Variants in RBFOX1 observed in about 807,000 individuals in gnomAD.
The protein encoded by RBFOX1 is RNA binding fox-1 homolog 1, also known as RNA binding protein fox-1 homolog 1.
In RBFOX1, 8 loss-of-function variants were observed where a neutral mutation model predicts 57.7. The ratio of observed to expected loss-of-function variants is 0.14; its 90% CI spans 0.08 to 0.25. The LOEUF (loss-of-function observed/expected upper bound fraction) is 0.25. Among genes scored for constraint, RBFOX1 ranks in the 10% least tolerant of loss-of-function variants. The pLI is 1.00. For missense variants in RBFOX1, 611 were observed against 548.5 expected (o/e 1.11, Z -1.14); for synonymous variants, 326 against 222.4 (o/e 1.47, Z -4.15).
Position 6,479,714 on chromosome 16 carries a change from G to C in RBFOX1, c.-64+162657G>C, listed in dbSNP as rs542637709. ...CACCTCCCACCTGGTTTCTCCCCTT[G>C]ACACATGGGAATTATGGCCTCTTAC... On this transcript the variant is annotated intron_variant, in intron 2 of 15. Coordinates refer to ENST00000550418, the MANE Select transcript of RBFOX1 (RefSeq NM_018723.4). Among the ~76,000 whole-genome samples the C allele has an allele frequency of 2.0e-5, 3 of 152,146 alleles. No homozygotes were observed. In the East Asian group the frequency reaches 5.8e-4, roughly 29 times the overall value.
intron 3 of RBFOX1, among the ~76,000 whole-genome samples, chr16:6,941,626 C>G (rs1418622084): frequency 6.6e-6 from 1 of 151,714 alleles, no homozygotes; most frequent in African/African-American, 2.4e-5. Flanking sequence ...GCCCTTCATA[C>G]CTGTTGAATA....
At chr16:6,813,568 C>A (rs1370769651) in intron 3 of RBFOX1, among the ~76,000 whole-genome samples, 1 of 152,140 alleles carries the variant, frequency 6.6e-6, no homozygotes, top group Non-Finnish European at 1.5e-5. Flanking sequence ...CACTAAGTGT[C>A]TCTTTCATCT....
chr16:7,623,620 G>C (rs556275464), intron 10 of RBFOX1, among the ~76,000 whole-genome samples: 2 of 152,284 alleles, frequency 1.3e-5, no homozygotes, highest in East Asian at 1.9e-4. Context: ...ATGAAGCTTT[G>C]CTCGCTCACC....
chr16:7,340,362 C>A (rs1360064689), intron 4 of RBFOX1, among the ~76,000 whole-genome samples: 1 of 152,220 alleles, frequency 6.6e-6, no homozygotes, highest in Admixed American at 6.5e-5. Context: ...TGCCATTGAT[C>A]ATATTTACTA....
chr16:7,280,276 C>T (rs1603481625), intron 4 of RBFOX1, among the ~76,000 whole-genome samples: 1 of 152,182 alleles, frequency 6.6e-6, no homozygotes, highest in African/African-American at 2.4e-5. Flanking sequence ...GTCACTTCCC[C>T]AGCTTCACTT....
chr16:5,953,950 C>T (rs139471150), intron 4 of RBFOX1, among the ~76,000 whole-genome samples: 57 of 152,192 alleles, frequency 3.7e-4, no homozygotes, highest in South Asian at 3.1e-3. Context: ...TGTTGCCAAC[C>T]GTGGTACCCA....
intron 1 of RBFOX1, among the ~76,000 whole-genome samples, chr16:6,186,138 C>G (rs1217333160): frequency 1.3e-5 from 2 of 152,100 alleles, no homozygotes; most frequent in Non-Finnish European, 2.9e-5. Context: ...TGGCTGTGAT[C>G]TGTAAACTCA....
At chr16:7,198,693 C>T (rs1008842263) in intron 4 of RBFOX1, among the ~76,000 whole-genome samples, 2 of 152,144 alleles carry the variant, frequency 1.3e-5, no homozygotes, top group Non-Finnish European at 1.5e-5. Context: ...TATAACAATC[C>T]ACTCACATGA....
chr16:6,838,192 C>T (rs139668425), intron 3 of RBFOX1, among the ~76,000 whole-genome samples: 348 of 152,088 alleles, frequency 2.3e-3, no homozygotes, highest in African/African-American at 8.0e-3. Flanking sequence ...CCCTAGCCCC[C>T]GACAGGCCCC....
chr16:6,785,809 G>A (rs1489012372), intron 3 of RBFOX1, among the ~76,000 whole-genome samples: 3 of 143,758 alleles, frequency 2.1e-5, no homozygotes, highest in Admixed American at 7.1e-5. Context: ...AGAGCATGAT[G>A]AGAACTTACT....
chr16:5,419,415 C>T (rs868597037), intron 1 of RBFOX1, among the ~76,000 whole-genome samples: 1 of 152,098 alleles, frequency 6.6e-6, no homozygotes, highest in Admixed American at 6.5e-5. Context: ...TCACATTCTT[C>T]TGCCAGATTT....
chr16:5,388,198 G>C (rs1050451943), intron 1 of RBFOX1, among the ~76,000 whole-genome samples: 2 of 152,142 alleles, frequency 1.3e-5, no homozygotes, highest in South Asian at 2.1e-4. Flanking sequence ...GCAGTAGCAG[G>C]AAACCAGCAC....
At chr16:6,981,750 T>G (rs2088940080) in intron 3 of RBFOX1, among the ~76,000 whole-genome samples, 1 of 152,104 alleles carries the variant, frequency 6.6e-6, no homozygotes, top group Non-Finnish European at 1.5e-5. Context: ...CCCTCATGAT[T>G]CAATTATTTC....
chr16:6,589,103 C>CA (rs59966674), intron 2 of RBFOX1, among the ~76,000 whole-genome samples: 132,297 of 151,992 alleles, frequency 0.87, 60,531 homozygotes, highest in East Asian at 1. Flanking sequence ...ATCTATATTA[C>CA]AAAAAAACCC....
rs2071620683 is a variant in RBFOX1 at position 6,740,167 on chromosome 16, C to G, written c.-16+85517C>G. 3.9e-5 allele frequency among the ~76,000 whole-genome samples: 6 copies of G among 152,094 alleles called. No homozygotes were observed. The South Asian group carries it at 8.3e-4, about 21-fold the overall frequency. On this transcript the variant is annotated intron_variant, in intron 3 of 15. Transcript: ENST00000550418. ...TACCGATAGGTTCAAGAAGAAAAAT[C>G]ACATGCTCACATTAGCTGATGCAGG...
At chr16:7,267,073 G>A (rs1245887336) in intron 4 of RBFOX1, among the ~76,000 whole-genome samples, 3 of 152,282 alleles carry the variant, frequency 2.0e-5, no homozygotes, top group South Asian at 2.1e-4. Flanking sequence ...TCGAAGTGGG[G>A]GACAGTAGCT....
chr16:7,176,683 C>T (rs1404023641), intron 4 of RBFOX1, among the ~76,000 whole-genome samples: 2 of 152,076 alleles, frequency 1.3e-5, no homozygotes, highest in African/African-American at 4.8e-5. Context: ...GGTTTCCGAT[C>T]CTTGTTCTAG....
intron 5 of RBFOX1, among the ~76,000 whole-genome samples, chr16:7,558,591 T>G (rs1225347353): frequency 1.3e-5 from 2 of 152,160 alleles, no homozygotes; most frequent in East Asian, 3.8e-4. Flanking sequence ...TGTCATTTCA[T>G]TTTTTATTAA....
At chr16:6,741,320 G>C (rs548433025) in intron 3 of RBFOX1, among the ~76,000 whole-genome samples, 1 of 152,118 alleles carries the variant, frequency 6.6e-6, no homozygotes, top group East Asian at 1.9e-4. Context: ...TTAGAGCTCG[G>C]TGACATGCCA....
Sources: gnomAD v4.1 joint callset for allele counts (sites outside exome capture counted in the v4.1 genomes callset) on GRCh38, gnomAD v4.1.1 for gene constraint, MANE v1.5 for transcripts, NCBI Gene and HGNC (gene_info 2026-07-23, HGNC 2026-07-21) for gene names.